The following NAALADL2 variants were observed in gnomAD, a reference collection of about 807,000 sequenced individuals.
NAALADL2 encodes the protein N-acetylated alpha-linked acidic dipeptidase like 2.
A neutral mutation model predicts 87.2 loss-of-function variants in NAALADL2; 76 were observed. The ratio of observed to expected loss-of-function variants is 0.87; its 90% CI spans 0.72 to 1.05. NAALADL2 has a LOEUF of 1.05. Among genes scored for constraint, NAALADL2 ranks in the 50% least tolerant of loss-of-function variants. The pLI, the probability that NAALADL2 is intolerant of heterozygous loss-of-function variation, is 0.00. For missense variants in NAALADL2, 1,089 were observed against 945.8 expected (o/e 1.15, Z -1.99); for synonymous variants, 354 against 331.0 (o/e 1.07, Z -0.75).
intron 1 of NAALADL2, among the ~76,000 whole-genome samples, chr3:174,877,414 T>C (rs188734566): frequency 1.3e-5 from 2 of 152,050 alleles, no homozygotes; most frequent in African/African-American, 2.4e-5. Flanking sequence ...ATGAAATAGA[T>C]AGACATTACT....
chr3:175,144,123 C>T (rs1463754101), intron 2 of NAALADL2, among the ~76,000 whole-genome samples: 1 of 151,792 alleles, frequency 6.6e-6, no homozygotes, highest in East Asian at 1.9e-4. Context: ...TGTTTCATTT[C>T]CTCTTGAGTT....
chr3:175,558,119 C>T (rs1043809722), intron 9 of NAALADL2, among the ~76,000 whole-genome samples: 10 of 148,770 alleles, frequency 6.7e-5, no homozygotes, highest in East Asian at 4.0e-4. Context: ...GGCGTGAACC[C>T]GGGAGGCGGA....
At chr3:174,797,299 T>TTTTTTCTTTTTC (rs1190655916) in intron 3 of NAALADL2, among the ~76,000 whole-genome samples, 1 of 103,308 alleles carries the variant, frequency 9.7e-6, no homozygotes, top group Non-Finnish European at 1.9e-5. Context: ...TTTGTTTTTC[T>TTTTTTCTTTTTC]TTTTTCTTTT....
At chr3:175,299,035 C>A (rs962308046) in intron 4 of NAALADL2, among the ~76,000 whole-genome samples, 1 of 152,062 alleles carries the variant, frequency 6.6e-6, no homozygotes, top group Non-Finnish European at 1.5e-5. Context: ...ACAGAAAATG[C>A]GGAACAACTT....
intron 2 of NAALADL2, among the ~76,000 whole-genome samples, chr3:175,128,293 A>G (rs1474058238): frequency 6.6e-6 from 1 of 152,206 alleles, no homozygotes; most frequent in Non-Finnish European, 1.5e-5. Flanking sequence ...TTTAGAAAGA[A>G]AAATGTAAGG....
intron 2 of NAALADL2, among the ~76,000 whole-genome samples, chr3:175,104,559 C>T (rs542359614): frequency 1.1e-4 from 17 of 152,090 alleles, no homozygotes; most frequent in African/African-American, 3.6e-4. Context: ...TGTACTTTGT[C>T]TTCTCTATTC....
At chr3:174,556,101 C>G (rs1352663324) in intron 2 of NAALADL2, among the ~76,000 whole-genome samples, 1 of 151,666 alleles carries the variant, frequency 6.6e-6, no homozygotes, top group African/African-American at 2.4e-5. Context: ...CATAACTTTT[C>G]TTTTAATATC....
chr3:174,618,970 G>T (rs576894), intron 2 of NAALADL2, among the ~76,000 whole-genome samples: 2,664 of 151,770 alleles, frequency 0.018, 38 homozygotes, highest in South Asian at 0.036. Context: ...TTCAATGGTT[G>T]TGACAGAAAG....
At chr3:175,777,926 C>T (rs190467119) in intron 13 of NAALADL2, among the ~76,000 whole-genome samples, 1 of 152,254 alleles carries the variant, frequency 6.6e-6, no homozygotes, top group African/African-American at 2.4e-5. Flanking sequence ...TTCTCTCAAC[C>T]TACTGATGAA....
intron 11 of NAALADL2, among the ~76,000 whole-genome samples, chr3:175,656,906 C>G (rs1273267963): frequency 6.6e-6 from 1 of 152,110 alleles, no homozygotes; most frequent in Non-Finnish European, 1.5e-5. Context: ...ATACATCTTG[C>G]CACCGTCATG....
chr3:174,521,315 AT>A (rs1481739786), intron 1 of NAALADL2, among the ~76,000 whole-genome samples: 1 of 152,112 alleles, frequency 6.6e-6, no homozygotes, highest in Non-Finnish European at 1.5e-5. Flanking sequence ...ATAAAAAAGA[AT>A]AAAATGTTCG....
chr3:175,746,203 A>T (rs1230324577), intron 12 of NAALADL2, among the ~76,000 whole-genome samples: 1 of 151,824 alleles, frequency 6.6e-6, no homozygotes, highest in African/African-American at 2.4e-5. Context: ...CATTAGCGTC[A>T]ATCACTTCAT....
chr3:174,680,388 T>G (rs1727426967), intron 2 of NAALADL2, among the ~76,000 whole-genome samples: 1 of 152,190 alleles, frequency 6.6e-6, no homozygotes, highest in Non-Finnish European at 1.5e-5. Context: ...ATCTGTGACT[T>G]TTCTTGTTTC....
intron 4 of NAALADL2, among the ~76,000 whole-genome samples, chr3:175,289,422 G>A (rs55856834): frequency 0.74 from 113,127 of 151,898 alleles, 42,576 homozygotes; most frequent in Non-Finnish European, 0.79. Flanking sequence ...CTTTATTTTC[G>A]AAAGGTGCCA....
At chr3:175,340,214 A>T (rs923608675) in intron 5 of NAALADL2, among the ~76,000 whole-genome samples, 9 of 152,196 alleles carry the variant, frequency 5.9e-5, no homozygotes, top group Admixed American at 5.9e-4. Context: ...AGTATAAGGA[A>T]TGCTACAAAT....
intron 1 of NAALADL2, among the ~76,000 whole-genome samples, chr3:174,939,606 C>A (rs1445753447): frequency 6.6e-6 from 1 of 151,916 alleles, no homozygotes; most frequent in Non-Finnish European, 1.5e-5. Context: ...AGTGATACAG[C>A]CATTTTAATA....
chr3:174,719,239 A>G (rs1272875863), intron 2 of NAALADL2, among the ~76,000 whole-genome samples: 1 of 152,200 alleles, frequency 6.6e-6, no homozygotes, highest in African/African-American at 2.4e-5. Flanking sequence ...GCACTAGGTA[A>G]CATTAACAGT....
intron 2 of NAALADL2, among the ~76,000 whole-genome samples, chr3:174,596,809 T>G (rs1403258092): frequency 6.6e-6 from 1 of 152,196 alleles, no homozygotes; most frequent in African/African-American, 2.4e-5. Flanking sequence ...GATTAGGATA[T>G]CCAACTATAT....
intron 11 of NAALADL2, among the ~76,000 whole-genome samples, chr3:175,651,989 G>A (rs976471287): frequency 2.0e-5 from 3 of 152,150 alleles, no homozygotes; most frequent in Non-Finnish European, 2.9e-5. Flanking sequence ...CATAAAAGCC[G>A]TATTCTTTTT....
Sources: allele counts gnomAD v4.1 joint callset (sites outside exome capture counted in the v4.1 genomes callset), GRCh38; gene constraint gnomAD v4.1.1; transcripts MANE v1.5; gene names NCBI Gene and HGNC (gene_info 2026-07-23, HGNC 2026-07-21).